The following KAZN variants were observed in gnomAD, a reference collection of about 807,000 sequenced individuals.
The protein encoded by KAZN is kazrin, periplakin interacting protein, also known as kazrin.
A neutral mutation model predicts 87.4 loss-of-function variants in KAZN; 40 were observed. The observed-to-expected ratio is 0.46, with a 90% CI of 0.36 to 0.60. KAZN has a LOEUF of 0.60. KAZN is among the 20% of genes least tolerant of loss of function. The pLI is 0.00. For missense variants in KAZN, 898 were observed against 1,073.9 expected (o/e 0.84, Z 2.29); for synonymous variants, 466 against 458.3 (o/e 1.02, Z -0.22).
chr1:14,557,153 A>T (rs1673934794), intron 2 of KAZN, among the ~76,000 whole-genome samples: 1 of 152,242 alleles, frequency 6.6e-6, no homozygotes, highest in Non-Finnish European at 1.5e-5. Context: ...TCAAAATTTT[A>T]GCAGACTGCA....
chr1:14,174,046 T>C (rs1200454645), intron 1 of KAZN, among the ~76,000 whole-genome samples: 1 of 152,258 alleles, frequency 6.6e-6, no homozygotes, highest in Non-Finnish European at 1.5e-5. Flanking sequence ...TCCTCTTCGA[T>C]ATCATTACTT....
intron 2 of KAZN, among the ~76,000 whole-genome samples, chr1:14,331,348 A>T (rs143356889): frequency 2.0e-5 from 3 of 152,254 alleles, no homozygotes; most frequent in Non-Finnish European, 4.4e-5. Flanking sequence ...GCATTGTGGA[A>T]ATCTCTTTGT....
At chr1:13,962,688 G>T (rs1048412734) in intron 1 of KAZN, among the ~76,000 whole-genome samples, 1 of 152,150 alleles carries the variant, frequency 6.6e-6, no homozygotes. Flanking sequence ...CTCCCATGTA[G>T]CCAGGATTAC....
chr1:14,417,246 T>C (rs541615646), intron 2 of KAZN, among the ~76,000 whole-genome samples: 2 of 152,196 alleles, frequency 1.3e-5, no homozygotes, highest in East Asian at 3.9e-4. Context: ...CATGTTATTA[T>C]TCCATTGATG....
chr1:14,712,986 C>T (rs977250321), intron 1 of KAZN, among the ~76,000 whole-genome samples: 1 of 152,172 alleles, frequency 6.6e-6, no homozygotes, highest in Non-Finnish European at 1.5e-5. Context: ...TAATGCCGCA[C>T]TGCTGTGTAA....
Position 14,856,426 on chromosome 1 carries a change from A to G in KAZN, c.227-104258A>G, listed in dbSNP as rs1406917524. ...AGGAGGCAATATTTCCATAGGTGGCATAGCTAAAGACATTACAAAGGGCTG... is the reference window on the plus strand; with the variant it reads ...AGGAGGCAATATTTCCATAGGTGGCGTAGCTAAAGACATTACAAAGGGCTG... On this transcript the variant is annotated intron_variant, in intron 1 of 14. Coordinates refer to ENST00000376030, the MANE Select transcript of KAZN (RefSeq NM_201628.3). The surrounding 1 kb of genome is among the most constrained non-coding windows in gnomAD (Gnocchi z 5.2). Among the ~76,000 whole-genome samples, 3 of 152,232 alleles carry G rather than the reference A, an allele frequency of 2.0e-5. No individual in the cohort carries two copies. Among genetic ancestry groups the G allele is most frequent in the Non-Finnish European group, 4.4e-5 (3 of 68,042 alleles).
chr1:13,977,782 T>TACAGAAAA (rs1638435687), intron 1 of KAZN, among the ~76,000 whole-genome samples: 1 of 152,120 alleles, frequency 6.6e-6, no homozygotes, highest in African/African-American at 2.4e-5. Flanking sequence ...AGGAGGAAAC[T>TACAGAAAA]ACAGAAAAAT....
At chr1:14,424,280 C>A (rs1004502786) in intron 2 of KAZN, among the ~76,000 whole-genome samples, 1 of 152,326 alleles carries the variant, frequency 6.6e-6, no homozygotes, top group South Asian at 2.1e-4. Context: ...TTACACTTCA[C>A]GTAAGTTGCT....
At chr1:14,298,090 T>A (rs1400003237) in intron 2 of KAZN, among the ~76,000 whole-genome samples, 3 of 152,096 alleles carry the variant, frequency 2.0e-5, no homozygotes, top group Non-Finnish European at 4.4e-5. Flanking sequence ...CCGGGTGTGG[T>A]GGCGCATGTC....
chr1:13,916,845 C>T (rs781248396), intron 1 of KAZN, among the ~76,000 whole-genome samples: 1 of 151,904 alleles, frequency 6.6e-6, no homozygotes, highest in Non-Finnish European at 1.5e-5. Flanking sequence ...CAGAATGGGG[C>T]CTCATGGTTG....
rs17354022 is a variant in KAZN, at chr1:14,176,024, C to T, written c.92-4411C>T. 7.6e-3 allele frequency among the ~76,000 whole-genome samples: 1,159 copies of T among 152,256 alleles called. 13 individuals carry two copies. The highest frequency in any genetic ancestry group is 8.2e-3 in the Non-Finnish European group (555 of 68,000). ...TACACAGAAGTTTAAAATGTATAGT[C>T]ATAATGCTAAAAAGTCAGGTGGTAT... On this transcript the variant is annotated intron_variant, in intron 1 of 16. Coordinates refer to the KAZN transcript ENST00000636203.
chr1:14,883,201 A>G (rs1186049230), intron 1 of KAZN, among the ~76,000 whole-genome samples: 1 of 151,466 alleles, frequency 6.6e-6, no homozygotes, highest in Non-Finnish European at 1.5e-5. Context: ...AGGCTGAGGC[A>G]GGAGAATCAC....
chr1:14,361,817 A>C (rs1659538578), intron 2 of KAZN, among the ~76,000 whole-genome samples: 1 of 152,200 alleles, frequency 6.6e-6, no homozygotes, highest in Non-Finnish European at 1.5e-5. Context: ...TGCAGACCAG[A>C]GTTGTTCCTA....
chr1:14,949,620 AG>A lies in KAZN; in HGVS notation c.227-11062del, dbSNP rs1662243117. Among the ~76,000 whole-genome samples, 1 of 152,194 alleles carries A rather than the reference AG, an allele frequency of 6.6e-6. No individual in the cohort carries two copies. Among genetic ancestry groups the A allele is most frequent in the Admixed American group, 6.5e-5 (1 of 15,282 alleles). On this transcript the variant is annotated intron_variant, in intron 1 of 14. Coordinates refer to ENST00000376030, the MANE Select transcript of KAZN (RefSeq NM_201628.3). The surrounding 1 kb of genome is among the most constrained non-coding windows in gnomAD (Gnocchi z 4.3). ...GTGATTTTTGTAGCCTCTGCCATGAAGGTGTTACCCAAACCTCCGGCAGACC... is the reference window on the plus strand; with the variant it reads ...GTGATTTTTGTAGCCTCTGCCATGAAGTGTTACCCAAACCTCCGGCAGACC...
intron 2 of KAZN, among the ~76,000 whole-genome samples, chr1:15,027,335 C>T (rs990029612): frequency 6.6e-6 from 1 of 151,692 alleles, no homozygotes; most frequent in Non-Finnish European, 1.5e-5. Context: ...CCGCCTCGGC[C>T]TCCCAAAATG....
At chr1:14,131,387 T>G (rs1362944553) in intron 1 of KAZN, among the ~76,000 whole-genome samples, 1 of 152,204 alleles carries the variant, frequency 6.6e-6, no homozygotes, top group African/African-American at 2.4e-5. Flanking sequence ...AATCAATTTA[T>G]TCATTTTTAT....
chr1:14,156,585 A>G (rs142214756), intron 1 of KAZN, among the ~76,000 whole-genome samples: 108 of 152,346 alleles, frequency 7.1e-4, no homozygotes, highest in African/African-American at 2.5e-3. Context: ...ATCATTACAT[A>G]GTGACATTCT....
chr1:14,081,382 A>G (rs531022234), intron 1 of KAZN, among the ~76,000 whole-genome samples: 4 of 152,160 alleles, frequency 2.6e-5, no homozygotes, highest in Admixed American at 2.0e-4. Context: ...AGCTTGTTGC[A>G]TACATTTTAA....
intron 4 of KAZN, among the ~76,000 whole-genome samples, chr1:15,054,785 G>A (rs1030016559): frequency 1.3e-5 from 2 of 152,250 alleles, no homozygotes; most frequent in Non-Finnish European, 2.9e-5. Flanking sequence ...AGATAACACA[G>A]CTGAAAGAGG....
Sources: gnomAD v4.1 joint callset for allele counts (sites outside exome capture counted in the v4.1 genomes callset) on GRCh38, gnomAD v4.1.1 for gene constraint, Gnocchi (gnomAD v3.1) non-coding constraint, MANE v1.5 for transcripts, NCBI Gene and HGNC (gene_info 2026-07-23, HGNC 2026-07-21) for gene names.